LMCD1: variants seen among roughly 807,000 people sequenced by gnomAD.
LMCD1 encodes LIM and cysteine-rich domains protein 1.
A neutral mutation model predicts 42.7 loss-of-function variants in LMCD1; 32 were observed. That is an observed-to-expected ratio of 0.75 (90% CI 0.57 to 1.01). LMCD1 has a LOEUF of 1.01. Ranked by LOEUF, LMCD1 falls within the 50% of genes least tolerant of loss-of-function variation. LMCD1 has a pLI of 0.00. For missense variants in LMCD1, 458 were observed against 483.1 expected (o/e 0.95, Z 0.49); for synonymous variants, 178 against 184.9 (o/e 0.96, Z 0.30).
chr3:8,510,737 A>C (rs1693979075), intron 1 of LMCD1, among the ~76,000 whole-genome samples: 1 of 152,212 alleles, frequency 6.6e-6, no homozygotes, highest in African/African-American at 2.4e-5. Flanking sequence ...TAACTTAGTA[A>C]AGGCACATCT....
chr3:8,555,531 G>C (rs1694919497), intron 4 of LMCD1, among the ~76,000 whole-genome samples: 1 of 152,154 alleles, frequency 6.6e-6, no homozygotes, highest in Non-Finnish European at 1.5e-5. Flanking sequence ...AGGAGCCTGG[G>C]GGCAGCCGCA....
intron 2 of LMCD1, among the ~76,000 whole-genome samples, chr3:8,533,471 G>T (rs1694451307): frequency 1.3e-5 from 2 of 152,138 alleles, no homozygotes; most frequent in African/African-American, 4.8e-5. Context: ...GGAACAGACT[G>T]TAAGTCTGTC....
chr3:8,562,393 T>A (rs1493593), intron 4 of LMCD1, among the ~76,000 whole-genome samples: 44,613 of 151,966 alleles, frequency 0.29, 7,296 homozygotes, highest in East Asian at 0.43. Context: ...TTCAGACAAT[T>A]CCCTGAGTTT....
chr3:8,550,330 G>C, intron 4 of LMCD1: 1 of 995,692 alleles, frequency 1.0e-6, no homozygotes, highest in African/African-American at 1.8e-5. Flanking sequence ...TTTGGAGATA[G>C]AAGTCCCAGC....
intron 4 of LMCD1, among the ~76,000 whole-genome samples, chr3:8,555,656 T>C (rs1207689154): frequency 6.7e-6 from 1 of 148,752 alleles, no homozygotes; most frequent in African/African-American, 2.5e-5. Context: ...CTTCCCTTTC[T>C]CCCACTTTTT....
At chr3:8,561,062 T>TTAAG (rs112434669) in intron 4 of LMCD1, among the ~76,000 whole-genome samples, 1 of 152,338 alleles carries the variant, frequency 6.6e-6, no homozygotes, top group African/African-American at 2.4e-5. Flanking sequence ...TATGAGTATA[T>TTAAG]TAAGTATGTA....
At chr3:8,505,790 C>G (rs1389316797) in intron 1 of LMCD1, among the ~76,000 whole-genome samples, 2 of 152,226 alleles carry the variant, frequency 1.3e-5, no homozygotes, top group East Asian at 1.9e-4. Flanking sequence ...CTAGGCCTTC[C>G]CTCTGTACTC....
chr3:8,523,170 G>A (rs571696498), intron 1 of LMCD1, among the ~76,000 whole-genome samples: 6 of 152,212 alleles, frequency 3.9e-5, no homozygotes, highest in Non-Finnish European at 8.8e-5. Flanking sequence ...TACTAGATCA[G>A]TAGGGCTCAT....
Position 8,532,549 on chromosome 3 carries a change from C to G in LMCD1, c.43-188C>G, listed in dbSNP as rs73810486. Among the ~76,000 whole-genome samples the G allele has an allele frequency of 7.1e-3, 1,079 of 152,312 alleles. 9 individuals carry two copies. The highest frequency in any genetic ancestry group is 0.024 in the African/African-American group (981 of 41,568). ...CCACCCTTCCACAATTGCCTACCCT[C>G]TGGCCCCATTCCATGTTCCTGTTTG... is the stretch of plus-strand genomic sequence containing the variant. On this transcript the variant is annotated intron_variant, in intron 1 of 5. Transcript: ENST00000157600.
In LMCD1 at chr3:8,552,637, A is replaced by C. The variant is rs886575668; in HGVS notation, c.723+3734A>C. On this transcript the variant is annotated intron_variant, in intron 4 of 5. Coordinates refer to ENST00000157600, the MANE Select transcript of LMCD1 (RefSeq NM_014583.4). ...TAAAAAGTGCCTTACATGTGAGCTC[A>C]ACAGAAATGATATCACCAATTTGGC... Among the ~76,000 whole-genome samples, 5 of 152,334 alleles carry C rather than the reference A, an allele frequency of 3.3e-5. No individual in the cohort carries two copies. In the East Asian group the frequency reaches 9.6e-4, roughly 29 times the overall value.
At chr3:8,562,569 T>G (rs1176397835) in intron 4 of LMCD1, among the ~76,000 whole-genome samples, 1 of 152,192 alleles carries the variant, frequency 6.6e-6, no homozygotes, top group African/African-American at 2.4e-5. Flanking sequence ...CCTGTGTACC[T>G]ACATCTCCTA....
chr3:8,562,993 C>A (rs997411499), intron 4 of LMCD1, among the ~76,000 whole-genome samples: 1 of 152,202 alleles, frequency 6.6e-6, no homozygotes, highest in East Asian at 1.9e-4. Context: ...TTAGTCTAAA[C>A]CTGTCTCTAA....
chr3:8,554,953 C>T (rs1377766033), intron 4 of LMCD1, among the ~76,000 whole-genome samples: 1 of 152,210 alleles, frequency 6.6e-6, no homozygotes, highest in Non-Finnish European at 1.5e-5. Context: ...GGCGCCTCCC[C>T]GTCTTGCCCC....
At chr3:8,505,844 T>C (rs997553910) in intron 1 of LMCD1, among the ~76,000 whole-genome samples, 4 of 152,206 alleles carry the variant, frequency 2.6e-5, no homozygotes, top group Non-Finnish European at 5.9e-5. Context: ...TGTGCCAAAC[T>C]ACTGGCACAT....
intron 4 of LMCD1, among the ~76,000 whole-genome samples, chr3:8,560,266 A>C (rs1465520358): frequency 5.3e-5 from 8 of 152,142 alleles, no homozygotes; most frequent in Admixed American, 5.2e-4. Flanking sequence ...AAAATGTCTT[A>C]AAAAGAACCA....
In LMCD1 at chr3:8,537,291, A is replaced by G. The variant is rs776076657; in HGVS notation, c.238A>G (p.Thr80Ala). 2.5e-5 allele frequency: 41 copies of G among 1,613,886 alleles called. No homozygotes were observed. The South Asian group carries it at 4.1e-4, about 16-fold the overall frequency. ...CTTGCTGATGGACTCCAAGTATTCC[A>G]CCCTCACTGCTCGGGTGAAAGGCGG... ...GRLLMDSKYS[T>A]LTARVKGGDG... Residue 80 changes from threonine (T) to alanine (A), a missense_variant, in exon 3 of 6, where the codon ACC becomes GCC. Coordinates refer to ENST00000157600, the MANE Select transcript of LMCD1 (RefSeq NM_014583.4).
chr3:8,532,365 T>C lies in LMCD1; in HGVS notation c.43-372T>C, dbSNP rs767307140. ...TAAATGAGGGAGAGGAGACACTCACTGAAGATTCCATTCCAGTGACAAGTG... is the reference window on the plus strand; with the variant it reads ...TAAATGAGGGAGAGGAGACACTCACCGAAGATTCCATTCCAGTGACAAGTG... On this transcript the variant is annotated intron_variant, in intron 1 of 5. Coordinates refer to ENST00000157600, the MANE Select transcript of LMCD1 (RefSeq NM_014583.4). Among the ~76,000 whole-genome samples, 22 of 152,300 alleles carry C rather than the reference T, an allele frequency of 1.4e-4. 1 individual carries two copies. In the South Asian group the frequency reaches 1.5e-3, roughly 10 times the overall value.
chr3:8,511,935 C>T (rs1020224273), intron 1 of LMCD1, among the ~76,000 whole-genome samples: 1 of 152,004 alleles, frequency 6.6e-6, no homozygotes, highest in Non-Finnish European at 1.5e-5. Context: ...TGAATTTTTG[C>T]AGGAAGATAC....
chr3:8,540,211 G>A (rs1410059515), intron 3 of LMCD1, among the ~76,000 whole-genome samples: 1 of 152,286 alleles, frequency 6.6e-6, no homozygotes, highest in Admixed American at 6.5e-5. Context: ...GATCAAGACT[G>A]ATTATATTTT....
Sources: allele counts gnomAD v4.1 joint callset (sites outside exome capture counted in the v4.1 genomes callset), GRCh38; gene constraint gnomAD v4.1.1; transcripts MANE v1.5; gene names NCBI Gene and HGNC (gene_info 2026-07-23, HGNC 2026-07-21).